FAM20C: variants seen among roughly 807,000 people sequenced by gnomAD.
The protein encoded by FAM20C is FAM20C golgi associated secretory pathway kinase.
FAM20C carries 40 observed loss-of-function variants against 51.5 expected under a neutral mutation model. That is an observed-to-expected ratio of 0.78 (90% confidence interval 0.60 to 1.01). The LOEUF is 1.01. Ranked by LOEUF, FAM20C falls within the 50% of genes least tolerant of loss-of-function variation. FAM20C has a pLI of 0.00. For synonymous variants in FAM20C, 406 were observed against 380.6 expected, an observed-to-expected ratio of 1.07 and a Z score of -0.78; for missense variants, 861 against 844.7, an observed-to-expected ratio of 1.02 and a Z score of -0.24.
Position 255,967 on chromosome 7 carries a change from G to A in FAM20C, c.1191G>A (p.Leu397=). 3 of 1,536,198 alleles carry A rather than the reference G, an allele frequency of 2.0e-6. No individual in the cohort carries two copies. The highest frequency in any genetic ancestry group is 1.7e-6 in the Non-Finnish European group (2 of 1,146,832). The change falls in exon 6 of 10, where the codon CTG becomes CTA. Residue 397 remains leucine, a synonymous_variant. Coordinates refer to ENST00000313766, the MANE Select transcript of FAM20C (RefSeq NM_020223.4). ...SLAAFLPDLS[L]AKRKTWRNPW... Reference sequence around the variant, plus strand: ...CGGCCTTCCTGCCCGACCTGTCCCTGGCCAAGAGGAAGACCTGGCGGAACC... The same window carrying A: ...CGGCCTTCCTGCCCGACCTGTCCCTAGCCAAGAGGAAGACCTGGCGGAACC...
At chr7:241,535 G>A (rs1244752923) in intron 3 of FAM20C, among the ~76,000 whole-genome samples, 1 of 151,714 alleles carries the variant, frequency 6.6e-6, no homozygotes, top group East Asian at 1.9e-4. Context: ...AGAGGCCTCC[G>A]ACAGCACTGT....
At chr7:195,385 G>C (rs1304543908) in intron 1 of FAM20C, 169 bp from the exon 2 acceptor site, 8 of 518,810 alleles carry the variant, frequency 1.5e-5, no homozygotes, top group Admixed American at 4.1e-5. Context: ...AGCGGCCACA[G>C]AAGAAAGCGC....
chr7:223,702 G>A (rs77228962), intron 3 of FAM20C, among the ~76,000 whole-genome samples: 7,173 of 152,340 alleles, frequency 0.047, 427 homozygotes, highest in African/African-American at 0.13. Context: ...GCCCTTACGC[G>A]GATGCCGCAG....
chr7:259,936 G>A lies in FAM20C; in HGVS notation c.1711G>A (p.Asp571Asn). 4 of 1,531,514 alleles carry A rather than the reference G, an allele frequency of 2.6e-6. No individual in the cohort carries two copies. Among genetic ancestry groups the A allele is most frequent in the Non-Finnish European group, 3.5e-6 (4 of 1,143,086 alleles). 94.9% of individuals were successfully genotyped at this position (1,531,514 alleles called of 1,614,324 possible). Reference sequence around the variant, plus strand: ...GAGGAACGGGCTCCACAGCGTGGTGGATGACGACCTGGACACTGAGCACAG... The same window carrying A: ...GAGGAACGGGCTCCACAGCGTGGTGAATGACGACCTGGACACTGAGCACAG... ...VERNGLHSVVDDDLDTEHRAA... is the reference protein window; with the variant it reads ...VERNGLHSVVNDDLDTEHRAA... Residue 571 changes from aspartate (D) to asparagine (N), a missense_variant, in exon 10 of 10, where the codon GAT (aspartate) becomes AAT (asparagine). Asp to Asn is a conservative substitution (Grantham distance 23, BLOSUM62 1). Transcript: ENST00000313766.
intron 3 of FAM20C, chr7:228,098 A>C: frequency 3.8e-6 from 1 of 261,034 alleles, no homozygotes; most frequent in Non-Finnish European, 7.6e-6. Flanking sequence ...GACCCGTCAG[A>C]GCTGATGGGG....
chr7:253,635 C>T (rs1397490429), intron 5 of FAM20C, among the ~76,000 whole-genome samples: 3 of 152,206 alleles, frequency 2.0e-5, no homozygotes, highest in Non-Finnish European at 4.4e-5. Flanking sequence ...CCCGTGATGC[C>T]GGCGTTGCTG....
At chr7:243,944 A>AATAATTATTATTATTATT (rs771341264) in intron 3 of FAM20C, among the ~76,000 whole-genome samples, 2 of 136,846 alleles carry the variant, frequency 1.5e-5, no homozygotes, top group African/African-American at 2.7e-5. Flanking sequence ...TAATAATAAT[A>AATAATTATTATTATTATT]ATTATTATTA....
chr7:206,818 C>T (rs1296596686), intron 2 of FAM20C, among the ~76,000 whole-genome samples: 10 of 92,776 alleles, frequency 1.1e-4, no homozygotes, highest in African/African-American at 4.9e-4. Flanking sequence ...GCGTCGGTCA[C>T]TGTCCCCTCG....
intron 5 of FAM20C, among the ~76,000 whole-genome samples, chr7:255,107 A>G (rs903394287): frequency 1.3e-5 from 2 of 152,130 alleles, no homozygotes; most frequent in African/African-American, 4.8e-5. Flanking sequence ...AGGGGTTTAC[A>G]TGGGAGGGGA....
chr7:235,397 C>G (rs1301354699), intron 3 of FAM20C, among the ~76,000 whole-genome samples: 1 of 152,202 alleles, frequency 6.6e-6, no homozygotes, highest in Admixed American at 6.5e-5. Context: ...TTGCAGTAAC[C>G]AGACCTACGT....
chr7:226,451 C>T (rs1462971792), intron 3 of FAM20C, among the ~76,000 whole-genome samples: 1 of 152,202 alleles, frequency 6.6e-6, no homozygotes, highest in African/African-American at 2.4e-5. Context: ...CAGCGCTTAC[C>T]AGCCAAGGAC....
chr7:257,781 C>G, intron 8 of FAM20C, among the ~76,000 whole-genome samples: 1 of 96,336 alleles, frequency 1.0e-5, no homozygotes, highest in East Asian at 3.5e-4. Flanking sequence ...ACCCACTGCC[C>G]GGGGTGCTGG....
intron 3 of FAM20C, among the ~76,000 whole-genome samples, chr7:223,220 T>C (rs1033927680): frequency 6.6e-6 from 1 of 152,226 alleles, no homozygotes; most frequent in East Asian, 1.9e-4. Flanking sequence ...AAGCCTGAAG[T>C]GTGGGCGTGT....
intron 1 of FAM20C, 161 bp from the exon 2 acceptor site, chr7:195,393 C>T (rs929676983): frequency 2.0e-4 from 112 of 549,386 alleles, no homozygotes; most frequent in African/African-American, 2.7e-4. Context: ...CAGAAGAAAG[C>T]GCAGACGTTG....
At chr7:217,025 T>C (rs1440316216) in intron 3 of FAM20C, among the ~76,000 whole-genome samples, 1 of 152,116 alleles carries the variant, frequency 6.6e-6, no homozygotes, top group Non-Finnish European at 1.5e-5. Flanking sequence ...CCCTGTGTCA[T>C]GTCTGACTGG....
chr7:245,774 T>G (rs1378967483), intron 3 of FAM20C: 3 of 152,386 alleles, frequency 2.0e-5, no homozygotes, highest in Middle Eastern at 3.4e-3. Flanking sequence ...AGCCCTATGG[T>G]GTTTACAGAA....
chr7:243,076 T>C (rs1448334651), intron 3 of FAM20C, among the ~76,000 whole-genome samples: 2 of 132,512 alleles, frequency 1.5e-5, no homozygotes, highest in Non-Finnish European at 3.2e-5. Context: ...GGGAGACCTG[T>C]GCCACCCAAG....
intron 5 of FAM20C, among the ~76,000 whole-genome samples, chr7:249,407 A>G (rs978093319): frequency 1.3e-5 from 2 of 152,244 alleles, no homozygotes; most frequent in African/African-American, 4.8e-5. Context: ...ACACATAAAC[A>G]CATGATTTTC....
chr7:214,098 G>A (rs1399949276), intron 3 of FAM20C, among the ~76,000 whole-genome samples: 1 of 152,208 alleles, frequency 6.6e-6, no homozygotes, highest in Non-Finnish European at 1.5e-5. Context: ...GGCCGAGGCA[G>A]GTGGATCATC....
Sources: allele counts gnomAD v4.1 joint callset (sites outside exome capture counted in the v4.1 genomes callset), GRCh38; gene constraint gnomAD v4.1.1; transcripts MANE v1.5; gene names NCBI Gene and HGNC (gene_info 2026-07-23, HGNC 2026-07-21).